The following ZC3H13 variants were observed in gnomAD, a reference collection of about 807,000 sequenced individuals.
The protein encoded by ZC3H13 is zinc finger CCCH domain-containing protein 13.
A neutral mutation model predicts 204.1 loss-of-function variants in ZC3H13; 64 were observed. That is an observed-to-expected ratio of 0.31 (90% confidence interval 0.26 to 0.39). The LOEUF (loss-of-function observed/expected upper bound fraction) is 0.39, where lower values mean the gene tolerates loss of function less well. ZC3H13 is among the 10% of genes least tolerant of loss of function. ZC3H13 has a pLI of 1.00. For synonymous variants in ZC3H13, 667 were observed against 693.7 expected, an observed-to-expected ratio of 0.96 and a Z score of 0.60; for missense variants, 1,833 against 2,082.7, an observed-to-expected ratio of 0.88 and a Z score of 2.33.
Position 45,969,835 on chromosome 13 carries a change from C to T in ZC3H13, c.2709G>A (p.Arg903=). Residue 903 remains arginine (R), a synonymous_variant, in exon 14 of 19, where the codon AGG becomes AGA. Coordinates refer to ENST00000679008, the MANE Select transcript of ZC3H13 (RefSeq NM_001330564.2). ...CCTTGAGTTCCTGTTCTTCGTAGCG[C>T]CTTGAACTCTCTTTCCTTTCTGGTT... ...DRKPERKESS[R]RYEEQELKEK... 1 of 1,613,924 alleles carries T rather than the reference C, an allele frequency of 6.2e-7. No individual in the cohort carries two copies. The highest frequency in any genetic ancestry group is 8.5e-7 in the Non-Finnish European group (1 of 1,180,014).
At chr13:45,957,658 A>T (rs2137690078) in intron 18 of ZC3H13, among the ~76,000 whole-genome samples, 1 of 152,336 alleles carries the variant, frequency 6.6e-6, no homozygotes, top group East Asian at 1.9e-4. Context: ...GATGGAATAA[A>T]AGCTCTTCTA....
chr13:45,963,108 T>C (rs1488344128), intron 17 of ZC3H13: 1 of 974,852 alleles, frequency 1.0e-6, no homozygotes, highest in Non-Finnish European at 1.2e-6. Context: ...CATTTGCTCC[T>C]AATTACCATA....
rs1593501442 is a variant in ZC3H13 at position 45,975,942 on chromosome 13, C to T, written c.1913-104G>A. On this transcript the variant is annotated intron_variant, in intron 11 of 18. Transcript: ENST00000679008. The stretch of plus-strand genomic sequence containing the variant: ...TTTATCTGTGATAGGGTCACACTGG[C>T]AACAAATTACAAACCAAGTAGCATA... 10 of 1,439,592 alleles carry T rather than the reference C, an allele frequency of 6.9e-6. 1 individual carries two copies. The East Asian group carries it at 1.9e-4, about 27-fold the overall frequency. The allele number at this position is 1,439,592 out of a possible 1,614,324, so 89.2% of individuals were successfully genotyped here.
intron 10 of ZC3H13, among the ~76,000 whole-genome samples, chr13:45,984,848 G>GC (rs1403440895): frequency 6.6e-6 from 1 of 152,182 alleles, no homozygotes; most frequent in Non-Finnish European, 1.5e-5. Context: ...ATAATGACGT[G>GC]TGGCAGTTTG....
chr13:45,989,649 T>G (rs188039420), intron 8 of ZC3H13, among the ~76,000 whole-genome samples: 109 of 152,332 alleles, frequency 7.2e-4, no homozygotes, highest in African/African-American at 2.5e-3. Flanking sequence ...TGTCTTTAAC[T>G]TAAGTAATCT....
intron 9 of ZC3H13, among the ~76,000 whole-genome samples, chr13:45,987,043 C>A (rs1954260159): frequency 1.3e-5 from 2 of 152,156 alleles, no homozygotes; most frequent in African/African-American, 4.8e-5. Flanking sequence ...CCCCCAATAC[C>A]AACTGTGCCT....
intron 5 of ZC3H13, among the ~76,000 whole-genome samples, chr13:46,013,904 A>T (rs113274909): frequency 1.6e-4 from 24 of 152,302 alleles, no homozygotes; most frequent in African/African-American, 5.5e-4. Context: ...TTACTAATTA[A>T]CAGAACAGGT....
chr13:46,027,009 A>G (rs1449319667), intron 4 of ZC3H13, among the ~76,000 whole-genome samples: 1 of 152,224 alleles, frequency 6.6e-6, no homozygotes, highest in Non-Finnish European at 1.5e-5. Context: ...TAAACAAGAA[A>G]AAAGGGAGAA....
In ZC3H13 at chr13:45,982,667, T is replaced by C. The variant is rs573322671; in HGVS notation, c.1720+2630A>G. ...TGTTTTGGATTTTGGAATATTTGCA[T>C]TATATTGGTTCAGCATCCCTAATCT... On this transcript the variant is annotated intron_variant, in intron 10 of 18. Transcript: ENST00000679008. Among the ~76,000 whole-genome samples the C allele has an allele frequency of 3.3e-5, 5 of 152,324 alleles. No individual in the cohort carries two copies. The East Asian group carries it at 7.7e-4, about 23-fold the overall frequency.
chr13:46,009,132 C>T (rs937143160), intron 7 of ZC3H13, among the ~76,000 whole-genome samples: 1 of 151,920 alleles, frequency 6.6e-6, no homozygotes, highest in Non-Finnish European at 1.5e-5. Context: ...AACTTATGTT[C>T]CATAAAGAGA....
intron 8 of ZC3H13, among the ~76,000 whole-genome samples, chr13:45,993,498 C>T (rs2040112049): frequency 6.6e-6 from 1 of 152,094 alleles, no homozygotes; most frequent in Non-Finnish European, 1.5e-5. Context: ...AGTGGAACCA[C>T]AATTTATGAG....
In ZC3H13 at chr13:45,957,070, A is replaced by T. The variant is rs1163647042; in HGVS notation, c.*57T>A. On this transcript the variant is annotated 3_prime_UTR_variant, in exon 19 of 19. Coordinates refer to ENST00000679008, the MANE Select transcript of ZC3H13 (RefSeq NM_001330564.2). Reference sequence around the variant, plus strand: ...CTTGTCAAACCAAAGAACTTTGCAAAAGAATATGCACTGCTGAAGGAAGAC... The same window carrying T: ...CTTGTCAAACCAAAGAACTTTGCAATAGAATATGCACTGCTGAAGGAAGAC... 2 of 1,293,098 alleles carry T rather than the reference A, an allele frequency of 1.5e-6. No homozygotes were observed. The highest frequency in any genetic ancestry group is 3.0e-5 in the African/African-American group (2 of 65,634). 80.1% of individuals were successfully genotyped at this position (1,293,098 alleles called of 1,614,324 possible). A position where few individuals can be genotyped will look rare whatever the true frequency, so the allele number is the denominator to read the frequency against.
intron 10 of ZC3H13, among the ~76,000 whole-genome samples, chr13:45,981,525 G>T (rs1217358439): frequency 1.3e-5 from 2 of 151,964 alleles, no homozygotes; most frequent in Non-Finnish European, 2.9e-5. Flanking sequence ...GGGTCAAATG[G>T]TATTTCTAGT....
chr13:45,962,769 A>G (rs1951783286), intron 17 of ZC3H13: 1 of 985,316 alleles, frequency 1.0e-6, no homozygotes, highest in Admixed American at 6.1e-5. Flanking sequence ...GTCCAGGGAC[A>G]TGACGTAAAA....
intron 8 of ZC3H13, among the ~76,000 whole-genome samples, chr13:45,994,932 T>C (rs1027763676): frequency 6.6e-5 from 10 of 152,016 alleles, no homozygotes; most frequent in African/African-American, 1.4e-4. Flanking sequence ...AGGGAGATTT[T>C]TGAAATCCCT....
chr13:46,049,803 T>C (rs2044273337), intron 1 of ZC3H13, among the ~76,000 whole-genome samples: 2 of 152,138 alleles, frequency 1.3e-5, no homozygotes, highest in South Asian at 2.1e-4. Context: ...TCAAAGTATA[T>C]GAGAAAAATT....
At chr13:46,049,228 G>C (rs894560703) in intron 1 of ZC3H13, among the ~76,000 whole-genome samples, 65 of 151,182 alleles carry the variant, frequency 4.3e-4, no homozygotes, top group African/African-American at 1.5e-3. Context: ...AAGTAATACA[G>C]CATCTGAGTA....
At chr13:46,043,549 C>T (rs1323176831) in intron 3 of ZC3H13, among the ~76,000 whole-genome samples, 2 of 151,764 alleles carry the variant, frequency 1.3e-5, no homozygotes, top group Non-Finnish European at 3.0e-5. Flanking sequence ...TTACACACAG[C>T]GAATTCTCAA....
chr13:45,980,088 A>G, intron 10 of ZC3H13, 84 bp from the exon 11 acceptor site: 1 of 1,123,470 alleles, frequency 8.9e-7, no homozygotes. Context: ...CCTCCTAAAC[A>G]TCACTAATAT....
Sources: allele counts gnomAD v4.1 joint callset (sites outside exome capture counted in the v4.1 genomes callset), GRCh38; gene constraint gnomAD v4.1.1; transcripts MANE v1.5; gene names NCBI Gene and HGNC (gene_info 2026-07-23, HGNC 2026-07-21).